GNA14: variants seen among roughly 807,000 people sequenced by gnomAD.
GNA14 encodes the protein guanine nucleotide-binding protein subunit alpha-14.
In GNA14, 50 loss-of-function variants were observed where a neutral mutation model predicts 42.0. The ratio of observed to expected loss-of-function variants is 1.19; its 90% CI spans 0.95 to 1.51. GNA14 has a LOEUF of 1.51. GNA14 is among the 40% of genes most tolerant of loss of function. GNA14 has a pLI of 0.00. For missense variants in GNA14, 473 were observed against 446.2 expected, an observed-to-expected ratio of 1.06 and a Z score of -0.54; for synonymous variants, 173 against 163.1, an observed-to-expected ratio of 1.06 and a Z score of -0.46.
intron 1 of GNA14, among the ~76,000 whole-genome samples, chr9:77,642,041 G>T (rs1401401041): frequency 6.6e-6 from 1 of 152,106 alleles, no homozygotes; most frequent in African/African-American, 2.4e-5. Context: ...CAAAAAAAAA[G>T]ATTTGGAGCA....
At chr9:77,569,770 CTT>C (rs3052392) in intron 1 of GNA14, among the ~76,000 whole-genome samples, 13 of 142,862 alleles carry the variant, frequency 9.1e-5, no homozygotes, top group Admixed American at 1.4e-4. Flanking sequence ...TCCTTTCTTT[CTT>C]TTTTTTTTTT....
intron 1 of GNA14, among the ~76,000 whole-genome samples, chr9:77,571,298 T>G (rs1227474830): frequency 6.6e-6 from 1 of 152,230 alleles, no homozygotes; most frequent in Non-Finnish European, 1.5e-5. Flanking sequence ...GGAATTTTTC[T>G]AAGTACTGTG....
At chr9:77,522,310 C>G (rs1455807559) in intron 2 of GNA14, among the ~76,000 whole-genome samples, 1 of 152,174 alleles carries the variant, frequency 6.6e-6, no homozygotes, top group Non-Finnish European at 1.5e-5. Flanking sequence ...TCCTCTGCCC[C>G]CATCCGCATC....
At chr9:77,472,491 A>T (rs1262934360) in intron 2 of GNA14, among the ~76,000 whole-genome samples, 1 of 152,202 alleles carries the variant, frequency 6.6e-6, no homozygotes. Flanking sequence ...AATGATCTCT[A>T]TCTGCAGAAT....
intron 1 of GNA14, among the ~76,000 whole-genome samples, chr9:77,539,787 C>A (rs778938645): frequency 4.6e-5 from 7 of 152,004 alleles, no homozygotes; most frequent in Non-Finnish European, 8.8e-5. Flanking sequence ...AGGTTTTCAG[C>A]TTATCAGTGT....
chr9:77,449,714 C>T (rs1835874152), intron 2 of GNA14, among the ~76,000 whole-genome samples: 3 of 152,230 alleles, frequency 2.0e-5, no homozygotes, highest in African/African-American at 7.2e-5. Flanking sequence ...AAACAGGTTT[C>T]ATACTCAAAC....
intron 2 of GNA14, among the ~76,000 whole-genome samples, chr9:77,475,277 A>G (rs573999041): frequency 6.6e-6 from 1 of 152,294 alleles, no homozygotes; most frequent in Admixed American, 6.5e-5. Context: ...TTCAACTGGT[A>G]ATCACCTACG....
chr9:77,507,999 T>C (rs566953992), intron 2 of GNA14, among the ~76,000 whole-genome samples: 1 of 152,334 alleles, frequency 6.6e-6, no homozygotes, highest in South Asian at 2.1e-4. Context: ...ATTACAGGCG[T>C]GAGCCACTGT....
chr9:77,472,186 C>A (rs1486103195), intron 2 of GNA14, among the ~76,000 whole-genome samples: 4 of 152,168 alleles, frequency 2.6e-5, no homozygotes, highest in Non-Finnish European at 5.9e-5. Context: ...TGCACTACGA[C>A]TTCTGATAAA....
intron 1 of GNA14, among the ~76,000 whole-genome samples, chr9:77,621,209 C>T (rs1298281706): frequency 1.3e-5 from 2 of 152,180 alleles, no homozygotes; most frequent in African/African-American, 4.8e-5. Context: ...GCTGTGATTA[C>T]AGGTGCGAGT....
intron 2 of GNA14, among the ~76,000 whole-genome samples, chr9:77,474,985 G>A (rs1306497974): frequency 1.4e-5 from 2 of 144,324 alleles, no homozygotes; most frequent in African/African-American, 5.7e-5. Context: ...TTGTCACCTA[G>A]GACTGGGAGG....
intron 1 of GNA14, among the ~76,000 whole-genome samples, chr9:77,574,939 C>T (rs571878394): frequency 1.3e-5 from 2 of 152,322 alleles, no homozygotes; most frequent in South Asian, 4.1e-4. Flanking sequence ...TAACTGTTAG[C>T]TGCCTCACAC....
intron 5 of GNA14, among the ~76,000 whole-genome samples, chr9:77,426,378 C>T (rs1174081289): frequency 6.6e-6 from 1 of 151,992 alleles, no homozygotes; most frequent in African/African-American, 2.4e-5. Context: ...GATCTCGGCT[C>T]ACTACAACCT....
At chr9:77,435,491 C>G (rs1203816398) in intron 2 of GNA14, among the ~76,000 whole-genome samples, 1 of 152,176 alleles carries the variant, frequency 6.6e-6, no homozygotes, top group Non-Finnish European at 1.5e-5. Context: ...TGATACAACT[C>G]TTTCCCACTG....
intron 2 of GNA14, among the ~76,000 whole-genome samples, chr9:77,519,360 G>A (rs909353322): frequency 2.0e-5 from 3 of 151,872 alleles, no homozygotes; most frequent in African/African-American, 4.8e-5. Flanking sequence ...GCAGTGAGCC[G>A]AGATTGCGCC....
chr9:77,615,820 C>T (rs1721792408), intron 1 of GNA14, among the ~76,000 whole-genome samples: 1 of 151,196 alleles, frequency 6.6e-6, no homozygotes, highest in Admixed American at 6.6e-5. Flanking sequence ...CTTCCAAGTC[C>T]AACAGAATCA....
At chr9:77,516,198 C>T (rs532329905) in intron 2 of GNA14, among the ~76,000 whole-genome samples, 1 of 152,232 alleles carries the variant, frequency 6.6e-6, no homozygotes, top group South Asian at 2.1e-4. Flanking sequence ...ATTTTGTCTT[C>T]TCTTGGGCCC....
chr9:77,443,289 A>G (rs894571413), intron 2 of GNA14, among the ~76,000 whole-genome samples: 1 of 152,224 alleles, frequency 6.6e-6, no homozygotes, highest in African/African-American at 2.4e-5. Context: ...TTTTAAAAGC[A>G]TATCTAGAAT....
At chr9:77,481,618 C>T (rs1252552656) in intron 2 of GNA14, among the ~76,000 whole-genome samples, 1 of 152,098 alleles carries the variant, frequency 6.6e-6, no homozygotes, top group Non-Finnish European at 1.5e-5. Context: ...AACTTTCTGT[C>T]TCATTGATCT....
Sources: allele counts gnomAD v4.1 joint callset (sites outside exome capture counted in the v4.1 genomes callset), GRCh38; gene constraint gnomAD v4.1.1; transcripts MANE v1.5; gene names NCBI Gene and HGNC (gene_info 2026-07-23, HGNC 2026-07-21).